ERC2: variants seen among roughly 807,000 people sequenced by gnomAD.
ERC2 encodes ELKS/RAB6-interacting/CAST family member 2, also known as ERC protein 2.
ERC2 carries 42 observed loss-of-function variants against 114.8 expected under a neutral mutation model. The ratio of observed to expected loss-of-function variants is 0.37; its 90% CI spans 0.29 to 0.47. The LOEUF (loss-of-function observed/expected upper bound fraction) is 0.47, where lower values mean the gene tolerates loss of function less well. ERC2 is among the 20% of genes least tolerant of loss of function. The probability of loss-of-function intolerance (pLI) is 0.99; values close to 1 mark genes in which losing one functional copy is unlikely to be tolerated. For missense variants in ERC2, 939 were observed against 1,150.7 expected, an observed-to-expected ratio of 0.82 and a Z score of 2.66; for synonymous variants, 454 against 425.5, an observed-to-expected ratio of 1.07 and a Z score of -0.82.
At chr3:56,181,663 T>C (rs902835739) in intron 3 of ERC2, among the ~76,000 whole-genome samples, 2 of 152,226 alleles carry the variant, frequency 1.3e-5, no homozygotes, top group Non-Finnish European at 1.5e-5. Flanking sequence ...TCCTTCACTG[T>C]AGACTGGACT....
At chr3:56,267,764 G>A (rs942690115) in intron 3 of ERC2, among the ~76,000 whole-genome samples, 1 of 152,124 alleles carries the variant, frequency 6.6e-6, no homozygotes. Flanking sequence ...GGGCAAAAGA[G>A]CGGAACTCCA....
intron 3 of ERC2, among the ~76,000 whole-genome samples, chr3:56,244,181 C>A (rs1247529316): frequency 6.6e-6 from 1 of 152,162 alleles, no homozygotes; most frequent in East Asian, 1.9e-4. Flanking sequence ...ACCGTGACAT[C>A]ATCGCCTTCG....
rs2068025014 is a variant in ERC2, at chr3:55,957,243, G to C, written c.2268-6683C>G. On this transcript the variant is annotated intron_variant, in intron 12 of 17. Coordinates refer to ENST00000288221, the MANE Select transcript of ERC2 (RefSeq NM_015576.3). ...TATTCCTTGTTCAGCCTGATAAAAT[G>C]GTTGAATCATATGTGACCAAGGGGA... is the stretch of plus-strand genomic sequence containing the variant. 2.0e-5 allele frequency among the ~76,000 whole-genome samples: 3 copies of C among 152,220 alleles called. No homozygotes were observed. In the South Asian group the frequency reaches 6.2e-4, roughly 32 times the overall value.
chr3:56,165,450 C>T (rs1422771255), intron 4 of ERC2, among the ~76,000 whole-genome samples: 1 of 150,824 alleles, frequency 6.6e-6, no homozygotes. Context: ...AGGTATATCT[C>T]CTAATGCTAT....
rs143304773 is a variant in ERC2 at position 55,769,344 on chromosome 3, C to T, written c.2565-34426G>A. 7.5e-4 allele frequency among the ~76,000 whole-genome samples: 114 copies of T among 152,134 alleles called. 1 individual carries two copies. Among genetic ancestry groups the T allele is most frequent in the African/African-American group, 2.6e-3 (106 of 41,478 alleles). On this transcript the variant is annotated intron_variant, in intron 14 of 17. Transcript: ENST00000288221. ...AGCCTGGATTAAGAGCTCTGGGGCA[C>T]ACCAGGTTCTTCTCCAGTAGTTTTA...
intron 2 of ERC2, among the ~76,000 whole-genome samples, chr3:56,358,293 T>C (rs990986854): frequency 1.3e-5 from 2 of 152,308 alleles, no homozygotes; most frequent in South Asian, 2.1e-4. Flanking sequence ...TTTCCTCTTA[T>C]ATATTTTATT....
chr3:56,041,329 T>C (rs2075180193), intron 7 of ERC2, among the ~76,000 whole-genome samples: 1 of 152,182 alleles, frequency 6.6e-6, no homozygotes, highest in Non-Finnish European at 1.5e-5. Flanking sequence ...CTGATATCAC[T>C]GCTAGGGGCA....
intron 14 of ERC2, among the ~76,000 whole-genome samples, chr3:55,808,663 G>A (rs1408942637): frequency 8.2e-6 from 1 of 121,880 alleles, no homozygotes; most frequent in Non-Finnish European, 1.6e-5. Flanking sequence ...AAATGTTCAA[G>A]GTCAAAAAAC....
At chr3:55,691,544 CAAAAAAAAAAAAAAA>C (rs748917550) in intron 16 of ERC2, among the ~76,000 whole-genome samples, 1,224 of 66,880 alleles carry the variant, frequency 0.018, 14 homozygotes, top group East Asian at 0.059. Context: ...ATTTGCAATG[CAAAAAAAAAAAAAAA>C]AAAAAAAAAA....
At chr3:56,402,539 A>G (rs2060558515) in intron 2 of ERC2, among the ~76,000 whole-genome samples, 1 of 152,202 alleles carries the variant, frequency 6.6e-6, no homozygotes, top group Non-Finnish European at 1.5e-5. Flanking sequence ...TGATTATAAC[A>G]GCAACCTGCC....
In ERC2 at chr3:55,992,388, G is replaced by A. The variant is rs919973285; in HGVS notation, c.2062-138C>T. 1.1e-5 allele frequency: 7 copies of A among 623,042 alleles called. No homozygotes were observed. The African/African-American group carries it at 1.1e-4, about 10-fold the overall frequency. 38.6% of individuals were successfully genotyped at this position (623,042 alleles called of 1,614,324 possible). On this transcript the variant is annotated intron_variant, in intron 10 of 17. Coordinates refer to ENST00000288221, the MANE Select transcript of ERC2 (RefSeq NM_015576.3). ...TTATGGGTATATTGTCAGTGAAAAG[G>A]CAAAATAGAAAAATCACACATTTCA...
At chr3:55,626,009 T>A (rs913229971) in intron 17 of ERC2, among the ~76,000 whole-genome samples, 1 of 152,240 alleles carries the variant, frequency 6.6e-6, no homozygotes, top group African/African-American at 2.4e-5. Context: ...GAATCTAAAC[T>A]GAATGTACGT....
chr3:55,954,733 G>A (rs765364825), intron 12 of ERC2, among the ~76,000 whole-genome samples: 28 of 152,100 alleles, frequency 1.8e-4, no homozygotes, highest in Non-Finnish European at 3.4e-4. Context: ...TATAATTAAC[G>A]AAAGTATTTT....
At chr3:56,395,923 C>T (rs147783654) in intron 2 of ERC2, among the ~76,000 whole-genome samples, 1 of 152,288 alleles carries the variant, frequency 6.6e-6, no homozygotes, top group African/African-American at 2.4e-5. Flanking sequence ...TCCCTTTTTA[C>T]GTGAACAGAC....
intron 3 of ERC2, among the ~76,000 whole-genome samples, chr3:56,265,491 T>C (rs1398788753): frequency 1.3e-5 from 2 of 152,140 alleles, no homozygotes; most frequent in African/African-American, 4.8e-5. Context: ...GACCTGAAAC[T>C]GTATAACACC....
At chr3:55,744,012 C>T (rs1250811789) in intron 14 of ERC2, among the ~76,000 whole-genome samples, 1 of 152,182 alleles carries the variant, frequency 6.6e-6, no homozygotes, top group Non-Finnish European at 1.5e-5. Flanking sequence ...AAGGTTACTC[C>T]GTTTGCAAAC....
intron 14 of ERC2, among the ~76,000 whole-genome samples, chr3:55,800,973 A>G (rs2071002053): frequency 6.6e-6 from 1 of 151,192 alleles, no homozygotes; most frequent in Admixed American, 6.6e-5. Flanking sequence ...GGGTCTGAAA[A>G]CCTCTCCTTC....
chr3:56,171,420 T>C (rs929478946), intron 4 of ERC2, among the ~76,000 whole-genome samples: 4 of 152,170 alleles, frequency 2.6e-5, no homozygotes, highest in African/African-American at 9.7e-5. Context: ...TGTAAGTTAA[T>C]AGGCATCCAA....
rs145781724 is a variant in ERC2 at position 55,651,846 on chromosome 3, A to G, written c.*39+31948T>C. ...TTATACCAAATGAGGGGATTTTTAT[A>G]TCTGTTAAAGGTCCAAGGCTTTTCA... On this transcript the variant is annotated intron_variant, in intron 17 of 17. Transcript: ENST00000288221. Among the ~76,000 whole-genome samples, 194 of 152,318 alleles carry G rather than the reference A, an allele frequency of 1.3e-3. 1 individual carries two copies. The highest frequency in any genetic ancestry group is 6.8e-3 in the Middle Eastern group (2 of 294).
Sources: allele counts gnomAD v4.1 joint callset (sites outside exome capture counted in the v4.1 genomes callset), GRCh38; gene constraint gnomAD v4.1.1; transcripts MANE v1.5; gene names NCBI Gene and HGNC (gene_info 2026-07-23, HGNC 2026-07-21).